CACNA2D3: variants seen among roughly 807,000 people sequenced by gnomAD.
The protein encoded by CACNA2D3 is voltage-dependent calcium channel subunit alpha-2/delta-3.
CACNA2D3 carries 60 observed loss-of-function variants against 160.6 expected under a neutral mutation model. The observed-to-expected ratio is 0.37, with a 90% CI of 0.30 to 0.46. The LOEUF (loss-of-function observed/expected upper bound fraction) is 0.46. Among genes scored for constraint, CACNA2D3 ranks in the 20% least tolerant of loss-of-function variants. The pLI is 1.00. For missense variants in CACNA2D3, 1,205 were observed against 1,365.0 expected (o/e 0.88, Z 1.85); for synonymous variants, 558 against 492.9 (o/e 1.13, Z -1.75).
At chr3:54,464,276 G>T (rs527363312) in intron 4 of CACNA2D3, among the ~76,000 whole-genome samples, 1 of 152,316 alleles carries the variant, frequency 6.6e-6, no homozygotes, top group East Asian at 1.9e-4. Context: ...CCAGCTGCGT[G>T]CTGGGAGAAC....
chr3:54,381,767 A>T (rs1699106786), intron 3 of CACNA2D3, among the ~76,000 whole-genome samples: 1 of 152,200 alleles, frequency 6.6e-6, no homozygotes, highest in Non-Finnish European at 1.5e-5. Context: ...CGCCTTCACC[A>T]AAGCTGTAAA....
At chr3:54,210,926 TAACTG>T in intron 2 of CACNA2D3, among the ~76,000 whole-genome samples, 1 of 152,266 alleles carries the variant, frequency 6.6e-6, no homozygotes, top group Middle Eastern at 3.4e-3. Context: ...AGGGATATGT[TAACTG>T]GACTGGATAT....
intron 34 of CACNA2D3, among the ~76,000 whole-genome samples, chr3:55,015,286 C>G (rs536050867): frequency 1.2e-4 from 19 of 152,278 alleles, no homozygotes; most frequent in African/African-American, 4.6e-4. Flanking sequence ...TTTGGTTCTG[C>G]CACATACTCA....
chr3:54,577,359 G>T (rs1702602259), intron 8 of CACNA2D3, among the ~76,000 whole-genome samples: 1 of 152,174 alleles, frequency 6.6e-6, no homozygotes. Flanking sequence ...TCAGAGGGTG[G>T]CTTAGAGTGG....
At chr3:54,910,357 A>G (rs1416228307) in intron 27 of CACNA2D3, among the ~76,000 whole-genome samples, 2 of 152,158 alleles carry the variant, frequency 1.3e-5, no homozygotes, top group Non-Finnish European at 2.9e-5. Context: ...CTTTTATGCT[A>G]TATGCTCCTC....
intron 11 of CACNA2D3, among the ~76,000 whole-genome samples, chr3:54,695,827 C>A (rs1700654396): frequency 6.6e-6 from 1 of 152,194 alleles, no homozygotes. Flanking sequence ...TAACTTTTGT[C>A]ATTGTTCACA....
At position 54,838,574 on chromosome 3, in the gene CACNA2D3, A is replaced by G. The variant is rs768631456; in HGVS notation, c.1477A>G (p.Lys493Glu). Reference protein sequence around the residue: ...VFSKQNETRSKGILLGVVGTD... With the variant: ...VFSKQNETRSEGILLGVVGTD... ...CAATGTTTATTTTCGACAGAGATCG[A>G]AGGGCATTCTTCTGGGAGTGGTTGG... The change falls in exon 16 of 38, where the codon AAG becomes GAG. Residue 493 changes from lysine (K) to glutamate (E), a missense_variant. Lys to Glu is a moderately conservative substitution (Grantham distance 56). Coordinates refer to ENST00000474759, the MANE Select transcript of CACNA2D3 (RefSeq NM_018398.3). 4 of 1,612,426 alleles carry G rather than the reference A, an allele frequency of 2.5e-6. No homozygotes were observed. In the East Asian group the frequency reaches 8.9e-5, roughly 36 times the overall value.
chr3:54,806,716 A>G (rs1157939826), intron 13 of CACNA2D3, among the ~76,000 whole-genome samples: 2 of 152,092 alleles, frequency 1.3e-5, no homozygotes, highest in African/African-American at 4.8e-5. Flanking sequence ...TAAAGTTCAT[A>G]TGGAACCAAA....
chr3:54,514,914 A>G (rs1701520464), intron 5 of CACNA2D3, among the ~76,000 whole-genome samples: 3 of 152,356 alleles, frequency 2.0e-5, no homozygotes, highest in South Asian at 4.1e-4. Context: ...CCATTGCACT[A>G]TCTACCTGAG....
intron 11 of CACNA2D3, among the ~76,000 whole-genome samples, chr3:54,687,145 T>TTG (rs1559549503): frequency 1.3e-4 from 10 of 74,616 alleles, no homozygotes; most frequent in East Asian, 9.3e-4. Context: ...GTTTTTTTTT[T>TTG]TTTTTGTTTT....
At chr3:54,128,691 CTTG>C (rs1381153432) in intron 2 of CACNA2D3, among the ~76,000 whole-genome samples, 1 of 152,182 alleles carries the variant, frequency 6.6e-6, no homozygotes, top group Non-Finnish European at 1.5e-5. Context: ...AGTCACAGTG[CTTG>C]TTGGCACAGT....
rs1353694388 is a variant in CACNA2D3, at chr3:54,787,197, C to T, written c.1380+22846C>T. Among the ~76,000 whole-genome samples, 3 of 152,156 alleles carry T rather than the reference C, an allele frequency of 2.0e-5. No homozygotes were observed. The East Asian group carries it at 5.8e-4, about 29-fold the overall frequency. On this transcript the variant is annotated intron_variant, in intron 13 of 37. Coordinates refer to ENST00000474759, the MANE Select transcript of CACNA2D3 (RefSeq NM_018398.3). ...GGAGCAATTGAATTCTGAAATAGCT[C>T]ATTTGTATTAGTTATAGGTAAGAAG... is the stretch of plus-strand genomic sequence containing the variant.
At chr3:55,060,167 G>C (rs545990777) in intron 35 of CACNA2D3, among the ~76,000 whole-genome samples, 2 of 152,190 alleles carry the variant, frequency 1.3e-5, no homozygotes, top group South Asian at 2.1e-4. Context: ...GAGATGGCAG[G>C]CTCTATTGCC....
intron 4 of CACNA2D3, among the ~76,000 whole-genome samples, chr3:54,494,490 C>T (rs1399380455): frequency 2.6e-5 from 4 of 152,110 alleles, no homozygotes; most frequent in Non-Finnish European, 4.4e-5. Flanking sequence ...TTTCAGAGAG[C>T]CTGTGCATGA....
At chr3:54,298,662 C>T (rs910352432) in intron 2 of CACNA2D3, among the ~76,000 whole-genome samples, 4 of 151,962 alleles carry the variant, frequency 2.6e-5, no homozygotes, top group South Asian at 2.1e-4. Context: ...TAGCCAGGTG[C>T]GGTGGTGCAT....
chr3:54,810,725 G>A (rs1703284595), intron 13 of CACNA2D3, among the ~76,000 whole-genome samples: 2 of 151,970 alleles, frequency 1.3e-5, no homozygotes, highest in South Asian at 4.1e-4. Flanking sequence ...ATCTTTAATT[G>A]GAGTTTTATG....
chr3:54,794,080 G>GATATATAAGAGCAAATTTT (rs1702817103), intron 13 of CACNA2D3, among the ~76,000 whole-genome samples: 1 of 151,914 alleles, frequency 6.6e-6, no homozygotes, highest in African/African-American at 2.4e-5. Flanking sequence ...CTCTTTCCTT[G>GATATATAAGAGCAAATTTT]ATATATAAGA....
At chr3:54,691,376 A>C (rs1218327476) in intron 11 of CACNA2D3, among the ~76,000 whole-genome samples, 1 of 152,056 alleles carries the variant, frequency 6.6e-6, no homozygotes, top group East Asian at 1.9e-4. Context: ...TGGCTCGAAG[A>C]CTCCATACAA....
intron 8 of CACNA2D3, among the ~76,000 whole-genome samples, chr3:54,578,607 TA>T (rs1390524764): frequency 1.3e-5 from 2 of 152,194 alleles, no homozygotes; most frequent in Non-Finnish European, 2.9e-5. Flanking sequence ...CCTCTGGTGA[TA>T]CAGACCAGAT....
Sources: gnomAD v4.1 joint callset for allele counts (sites outside exome capture counted in the v4.1 genomes callset) on GRCh38, gnomAD v4.1.1 for gene constraint, MANE v1.5 for transcripts, NCBI Gene and HGNC (gene_info 2026-07-23, HGNC 2026-07-21) for gene names.